The following NCR3LG1 variants were observed in gnomAD, a reference collection of about 807,000 sequenced individuals.
NCR3LG1 encodes the protein natural killer cell cytotoxicity receptor 3 ligand 1.
A neutral mutation model predicts 34.8 loss-of-function variants in NCR3LG1; 35 were observed. That is an observed-to-expected ratio of 1.01 (90% confidence interval 0.77 to 1.33). The LOEUF is 1.33. Among genes scored for constraint, NCR3LG1 ranks in the 40% most tolerant of loss-of-function variants. The pLI is 0.00. For synonymous variants in NCR3LG1, 173 were observed against 163.6 expected (o/e 1.06, Z -0.44); for missense variants, 452 against 423.3 (o/e 1.07, Z -0.60).
chr11:17,352,573 G>A (rs977846352), intron 1 of NCR3LG1, among the ~76,000 whole-genome samples: 16 of 152,318 alleles, frequency 1.1e-4, no homozygotes, highest in African/African-American at 3.8e-4. Flanking sequence ...GTCGACACCT[G>A]TGAGAGCGGA....
In NCR3LG1 at chr11:17,373,190, C is replaced by T. The variant is rs970355349; in HGVS notation, c.*678C>T. 2.6e-5 allele frequency: 4 copies of T among 152,200 alleles called. No homozygotes were observed. Among genetic ancestry groups the T allele is most frequent in the African/African-American group, 9.7e-5 (4 of 41,450 alleles). 9.4% of individuals were successfully genotyped at this position (152,200 alleles called of 1,614,324 possible). On this transcript the variant is annotated 3_prime_UTR_variant, in exon 5 of 5. Transcript: ENST00000338965. The stretch of plus-strand genomic sequence containing the variant: ...GGGATTAGATAGCACCTTACAAAAC[C>T]TCCTGAAGGTAGCCACCTCGGTCTT...
In NCR3LG1 at chr11:17,367,078, A is replaced by G. The variant is rs1953352321; in HGVS notation, c.491A>G (p.Glu164Gly). The change falls in exon 3 of 5, where the codon GAG (glutamate) becomes GGG (glycine). Residue 164 changes from glutamate (E) to glycine (G), a missense_variant. Coordinates refer to ENST00000338965, the MANE Select transcript of NCR3LG1 (RefSeq NM_001202439.3). ...GAGAATGAAGACAAATATATGTGTG[A>G]GTCAAGTGGGTTCTACCCAGAGGCT... is the stretch of plus-strand genomic sequence containing the variant. ...MKENEDKYMCESSGFYPEAIN... is the reference protein window; with the variant it reads ...MKENEDKYMCGSSGFYPEAIN... 2.6e-6 allele frequency: 4 copies of G among 1,536,154 alleles called. No homozygotes were observed. The highest frequency in any genetic ancestry group is 3.5e-6 in the Non-Finnish European group (4 of 1,146,906).
At chr11:17,356,233 G>A (rs961484960) in intron 1 of NCR3LG1, among the ~76,000 whole-genome samples, 7 of 150,130 alleles carry the variant, frequency 4.7e-5, no homozygotes, top group Admixed American at 2.0e-4. Context: ...TGCCTCCTGG[G>A]TTCAAGCAAT....
intron 2 of NCR3LG1, among the ~76,000 whole-genome samples, chr11:17,358,469 G>C (rs963926645): frequency 6.6e-6 from 1 of 152,138 alleles, no homozygotes; most frequent in Non-Finnish European, 1.5e-5. Flanking sequence ...CATCGCAGAG[G>C]TAAACTGCCA....
At position 17,373,421 on chromosome 11, in the gene NCR3LG1, G is replaced by A. The variant is rs932202506; in HGVS notation, c.*909G>A. On this transcript the variant is annotated 3_prime_UTR_variant, in exon 5 of 5. Coordinates refer to ENST00000338965, the MANE Select transcript of NCR3LG1 (RefSeq NM_001202439.3). ...TCAACCCTGTCCAGTATACAATGGGGACCACTGGAAGGCAGACTGTCCTGG... is the reference window on the plus strand; with the variant it reads ...TCAACCCTGTCCAGTATACAATGGGAACCACTGGAAGGCAGACTGTCCTGG... 2 of 152,350 alleles carry A rather than the reference G, an allele frequency of 1.3e-5. No homozygotes were observed. The highest frequency in any genetic ancestry group is 4.8e-5 in the African/African-American group (2 of 41,432). 9.4% of individuals were successfully genotyped at this position (152,350 alleles called of 1,614,324 possible).
downstream of NCR3LG1, among the ~76,000 whole-genome samples, chr11:17,380,463 G>A (rs1199937493): frequency 6.6e-6 from 1 of 152,014 alleles, no homozygotes; most frequent in African/African-American, 2.4e-5. Context: ...GAATCATTGG[G>A]TGAGTAATTA....
intron 2 of NCR3LG1, 60 bp from the exon 3 acceptor site, chr11:17,366,949 G>A (rs2133357531): frequency 8.1e-7 from 1 of 1,240,946 alleles, no homozygotes; most frequent in Non-Finnish European, 1.1e-6. Flanking sequence ...GTTAGCATAA[G>A]GTGTGGTGGG....
chr11:17,373,390 G>C lies in NCR3LG1; in HGVS notation c.*878G>C. The stretch of plus-strand genomic sequence containing the variant: ...GGGACTGCCCAGGCAGCAAGAAGAA[G>C]CCACCTCAACCCTGTCCAGTATACA... On this transcript the variant is annotated 3_prime_UTR_variant, in exon 5 of 5. Coordinates refer to ENST00000338965, the MANE Select transcript of NCR3LG1 (RefSeq NM_001202439.3). 6.6e-6 allele frequency: 1 copy of C among 151,794 alleles called. No homozygotes were observed. The highest frequency in any genetic ancestry group is 1.9e-4 in the East Asian group (1 of 5,154). The allele number at this position is 151,794 out of a possible 1,614,324, so 9.4% of individuals were successfully genotyped here. A position where few individuals can be genotyped will look rare whatever the true frequency, so the allele number is the denominator to read the frequency against.
chr11:17,375,611 G>A lies in NCR3LG1; in HGVS notation c.*3099G>A, dbSNP rs558287463. The A allele has an allele frequency of 6.6e-6, 1 of 152,230 alleles. No individual in the cohort carries two copies. The highest frequency in any genetic ancestry group is 6.5e-5 in the Admixed American group (1 of 15,292). The allele number at this position is 152,230 out of a possible 1,614,324, so 9.4% of individuals were successfully genotyped here. A position where few individuals can be genotyped will look rare whatever the true frequency, so the allele number is the denominator to read the frequency against. On this transcript the variant is annotated 3_prime_UTR_variant, in exon 5 of 5. Coordinates refer to ENST00000338965, the MANE Select transcript of NCR3LG1 (RefSeq NM_001202439.3). ...GAAAGGCACTTCCTCACCGCTAATG[G>A]GTCTTGCATTAAATACCATCAAGAC... is the stretch of plus-strand genomic sequence containing the variant.
chr11:17,356,784 G>A lies in NCR3LG1; in HGVS notation c.204G>A (p.Lys68=). ...ITSMGITWFW[K]SLTFDKEVKV... The stretch of plus-strand genomic sequence containing the variant: ...CTATGGGTATCACCTGGTTTTGGAA[G>A]AGTCTGACGTTTGACAAAGAAGTCA... Residue 68 remains lysine (K), a synonymous_variant, in exon 2 of 5, where the codon AAG becomes AAA. Transcript: ENST00000338965. The A allele has an allele frequency of 6.5e-7, 1 of 1,536,318 alleles. No homozygotes were observed. The highest frequency in any genetic ancestry group is 8.7e-7 in the Non-Finnish European group (1 of 1,146,952).
chr11:17,352,060 GCT>G, intron 1 of NCR3LG1, 21 bp downstream of exon 1: 1 of 1,403,180 alleles, frequency 7.1e-7, no homozygotes, highest in Non-Finnish European at 9.4e-7. Context: ...GCTGGGGTGG[GCT>G]GGGGCGGGGG....
chr11:17,367,385 TTGAGGGAC>T (rs1314891412), intron 3 of NCR3LG1, 38 bp downstream of exon 3: 1 of 1,445,290 alleles, frequency 6.9e-7, no homozygotes, highest in Non-Finnish European at 9.3e-7. Context: ...CTTCCTTGCC[TTGAGGGAC>T]TATAACATAA....
intron 3 of NCR3LG1, among the ~76,000 whole-genome samples, chr11:17,368,523 A>G (rs1200352809): frequency 1.3e-5 from 2 of 151,992 alleles, no homozygotes; most frequent in African/African-American, 4.8e-5. Flanking sequence ...GGGAGTATGA[A>G]ATGGAAATAT....
chr11:17,367,845 T>G (rs1300185520), intron 3 of NCR3LG1, among the ~76,000 whole-genome samples: 2 of 146,872 alleles, frequency 1.4e-5, no homozygotes, highest in Non-Finnish European at 3.0e-5. Context: ...TGAGATGGAG[T>G]TTCGCTCTTG....
chr11:17,369,958 C>T (rs1376576315), intron 4 of NCR3LG1, among the ~76,000 whole-genome samples: 3 of 152,150 alleles, frequency 2.0e-5, no homozygotes, highest in African/African-American at 7.2e-5. Context: ...GGAACTTGTA[C>T]AGGGGGGCTT....
chr11:17,363,542 C>CCCTTCCTTCCTTCCTTCCTTCCTT (rs1227232391), intron 2 of NCR3LG1, among the ~76,000 whole-genome samples: 53 of 54,632 alleles, frequency 9.7e-4, no homozygotes, highest in African/African-American at 1.5e-3. Flanking sequence ...CTCCCTCCCT[C>CCCTTCCTTCCTTCCTTCCTTCCTT]CCTTCCTTCC....
chr11:17,379,904 G>A, downstream of NCR3LG1, among the ~76,000 whole-genome samples: 1 of 152,198 alleles, frequency 6.6e-6, no homozygotes, highest in Non-Finnish European at 1.5e-5. Flanking sequence ...CCCTTCGAGA[G>A]AGAGCCTGTG....
At chr11:17,379,568 C>T (rs939623054), downstream of NCR3LG1, among the ~76,000 whole-genome samples, 4 of 152,036 alleles carry the variant, frequency 2.6e-5, no homozygotes, top group Admixed American at 6.6e-5. Flanking sequence ...AAGAACAGGT[C>T]GAGACTAGCC....
intron 1 of NCR3LG1, among the ~76,000 whole-genome samples, chr11:17,356,124 T>TTTTC (rs1262592876): frequency 3.4e-5 from 5 of 147,094 alleles, no homozygotes; most frequent in African/African-American, 7.7e-5. Flanking sequence ...TTTTCTTTTC[T>TTTTC]TTTCTTTCTT....
Sources: allele counts gnomAD v4.1 joint callset (sites outside exome capture counted in the v4.1 genomes callset), GRCh38; gene constraint gnomAD v4.1.1; transcripts MANE v1.5; gene names NCBI Gene and HGNC (gene_info 2026-07-23, HGNC 2026-07-21).